The following MICAL3 variants were observed in gnomAD, a reference collection of about 807,000 sequenced individuals.
MICAL3 encodes microtubule associated monooxygenase, calponin and LIM domain containing 3.
A neutral mutation model predicts 207.4 loss-of-function variants in MICAL3; 62 were observed. That is an observed-to-expected ratio of 0.30 (90% CI 0.24 to 0.37). The LOEUF (loss-of-function observed/expected upper bound fraction) is 0.37. Among genes scored for constraint, MICAL3 ranks in the 10% least tolerant of loss-of-function variants. The pLI is 1.00. For synonymous variants in MICAL3, 1,077 were observed against 1,069.3 expected, an observed-to-expected ratio of 1.01 and a Z score of -0.14; for missense variants, 2,368 against 2,635.6, an observed-to-expected ratio of 0.90 and a Z score of 2.22.
rs372029804 is a variant in MICAL3, at chr22:17,827,669, C to T, written c.3168G>A (p.Pro1056=). 1.2e-5 allele frequency: 19 copies of T among 1,576,678 alleles called. No homozygotes were observed. The highest frequency in any genetic ancestry group is 1.7e-4 in the Middle Eastern group (1 of 5,958). Residue 1056 remains proline, a synonymous_variant, in exon 22 of 32, where the codon CCG becomes CCA. Coordinates refer to ENST00000441493, the MANE Select transcript of MICAL3 (RefSeq NM_015241.3). ...CTCCGGAAGCAGAGGACTCAGAGGC[C>T]GGCGCCATCCTCTCTTCCTCCTCTC... ...REREEEERMA[P]ASESSASGAP...
intron 1 of MICAL3, among the ~76,000 whole-genome samples, chr22:17,978,467 G>A (rs1197903554): frequency 6.6e-6 from 1 of 152,032 alleles, no homozygotes; most frequent in Non-Finnish European, 1.5e-5. Flanking sequence ...TTGAATGATT[G>A]TAGTGATGGT....
At chr22:17,932,589 C>T (rs1326445639) in intron 1 of MICAL3, among the ~76,000 whole-genome samples, 2 of 152,108 alleles carry the variant, frequency 1.3e-5, no homozygotes, top group East Asian at 1.9e-4. Flanking sequence ...AAATAACCAG[C>T]GAACATCATA....
chr22:17,894,395 CAAA>C (rs57537906), intron 10 of MICAL3, among the ~76,000 whole-genome samples: 4 of 86,188 alleles, frequency 4.6e-5, no homozygotes, highest in Non-Finnish European at 4.8e-5. Flanking sequence ...GACTCTGTCT[CAAA>C]AAAAAAAAAA....
intron 1 of MICAL3, among the ~76,000 whole-genome samples, chr22:17,924,442 T>A (rs994418198): frequency 6.6e-6 from 1 of 152,208 alleles, no homozygotes; most frequent in African/African-American, 2.4e-5. Context: ...AAATATTTGA[T>A]ATAGATACAG....
intron 1 of MICAL3, among the ~76,000 whole-genome samples, chr22:18,002,044 A>C (rs984854798): frequency 6.6e-6 from 1 of 152,162 alleles, no homozygotes; most frequent in Non-Finnish European, 1.5e-5. Context: ...CTGAAAATAC[A>C]AAAATTAGCC....
intron 1 of MICAL3, among the ~76,000 whole-genome samples, chr22:17,976,202 T>C (rs886902870): frequency 6.6e-6 from 1 of 152,232 alleles, no homozygotes; most frequent in African/African-American, 2.4e-5. Context: ...GGGATCAGGG[T>C]AGAAGACAGT....
rs1164813720 is a variant in MICAL3, at chr22:17,897,454, T to TG, written c.949-474dup. Among the ~76,000 whole-genome samples the TG allele has an allele frequency of 4.7e-5, 7 of 148,532 alleles. No homozygotes were observed. In the East Asian group the frequency reaches 1.4e-3, roughly 29 times the overall value. On this transcript the variant is annotated intron_variant, in intron 7 of 31. Transcript: ENST00000441493. The stretch of plus-strand genomic sequence containing the variant: ...AAAAAAAAAAAAAAAAAGAGGGGTT[T>TG]GGGGGGTGGATTATTCCCGAGAGAA...
chr22:17,970,121 TCTCC>T (rs1935333089), intron 1 of MICAL3, among the ~76,000 whole-genome samples: 2 of 152,126 alleles, frequency 1.3e-5, no homozygotes, highest in Admixed American at 1.3e-4. Flanking sequence ...CCCAGAGAAG[TCTCC>T]CTGAGTGGGG....
intron 16 of MICAL3, among the ~76,000 whole-genome samples, chr22:17,877,567 G>GGGAGGTTAT (rs1928960986): frequency 3.0e-5 from 4 of 131,498 alleles, no homozygotes; most frequent in Non-Finnish European, 3.3e-5. Flanking sequence ...ATGGAGGTTA[G>GGGAGGTTAT]GGAGGTTAGG....
chr22:17,821,462 G>A lies in MICAL3; in HGVS notation c.3496C>T (p.Leu1166Phe). 6.5e-7 allele frequency: 1 copy of A among 1,546,264 alleles called. No individual in the cohort carries two copies. The highest frequency in any genetic ancestry group is 8.7e-7 in the Non-Finnish European group (1 of 1,146,072). ...SPIRSPQESA[L>F]LFIPVHSPST... is the part of the protein sequence containing the mutation. ...GGGCTGTGGACTGGAATGAACAGAA[G>A]AGCTGATTCCTGGGGAGACCGGATG... The change falls in exon 25 of 32, where the codon CTT becomes TTT. Residue 1166 changes from leucine to phenylalanine, a missense_variant. Leu to Phe is a conservative substitution (Grantham distance 22). Around this residue, in one of 4 missense-constraint regions of MICAL3, gnomAD observed 1,770 missense variants for 1,863.2 expected, o/e 0.95. Coordinates refer to ENST00000441493, the MANE Select transcript of MICAL3 (RefSeq NM_015241.3).
Position 17,995,461 on chromosome 22 carries a change from C to T in MICAL3, c.-75+28820G>A, listed in dbSNP as rs1467612623. 5.4e-5 allele frequency among the ~76,000 whole-genome samples: 8 copies of T among 149,066 alleles called. 1 individual carries two copies. Among genetic ancestry groups the T allele is most frequent in the Non-Finnish European group, 1.0e-4 (7 of 67,574 alleles). On this transcript the variant is annotated intron_variant, in intron 1 of 31. Transcript: ENST00000441493. Reference sequence around the variant, plus strand: ...CCTCTCAAAGTGCTGGGATTACAGACGTGAGACATTGCACCCAGCCTTTTC... The same window carrying T: ...CCTCTCAAAGTGCTGGGATTACAGATGTGAGACATTGCACCCAGCCTTTTC...
intron 1 of MICAL3, among the ~76,000 whole-genome samples, chr22:17,955,484 C>T (rs902888375): frequency 2.0e-5 from 3 of 152,276 alleles, no homozygotes; most frequent in East Asian, 3.9e-4. Flanking sequence ...AGGAATGGGC[C>T]GTACTTAGCC....
At chr22:17,888,048 T>C (rs1011282948) in intron 13 of MICAL3, among the ~76,000 whole-genome samples, 4 of 152,228 alleles carry the variant, frequency 2.6e-5, no homozygotes, top group Non-Finnish European at 4.4e-5. Flanking sequence ...GTTTCATTAG[T>C]AACAACAGCA....
In MICAL3 at chr22:17,976,152, G is replaced by C. The variant is rs189993958; in HGVS notation, c.-75+48129C>G. On this transcript the variant is annotated intron_variant, in intron 1 of 31. Transcript: ENST00000441493. ...GTTTTATTTCTTTCTAATCTTATCT[G>C]AACAATATAGGCAGAGATGGACTGC... Among the ~76,000 whole-genome samples, 25 of 152,312 alleles carry C rather than the reference G, an allele frequency of 1.6e-4. No individual in the cohort carries two copies. The East Asian group carries it at 4.4e-3, about 27-fold the overall frequency.
chr22:17,886,145 G>A, intron 15 of MICAL3, 94 bp from the exon 16 acceptor site: 10 of 1,364,684 alleles, frequency 7.3e-6, no homozygotes, highest in Non-Finnish European at 1.0e-5. Flanking sequence ...CCTGGCATGG[G>A]GGCTGGTGGA....
intron 16 of MICAL3, among the ~76,000 whole-genome samples, chr22:17,877,333 T>C (rs372623510): frequency 3.7e-3 from 41 of 11,188 alleles, no homozygotes; most frequent in Non-Finnish European, 5.0e-3. Flanking sequence ...AGGGAGGTTA[T>C]GGAGGTTAGG....
At chr22:17,860,961 C>G (rs923042672) in intron 19 of MICAL3, 5 of 983,050 alleles carry the variant, frequency 5.1e-6, no homozygotes, top group Non-Finnish European at 6.0e-6. Flanking sequence ...AAATAAATAT[C>G]TACCCATATA....
chr22:17,880,927 G>A (rs919746785), intron 16 of MICAL3, among the ~76,000 whole-genome samples: 11 of 152,204 alleles, frequency 7.2e-5, no homozygotes, highest in African/African-American at 2.7e-4. Context: ...GGCCTCGGAT[G>A]CACGACAAAC....
intron 1 of MICAL3, among the ~76,000 whole-genome samples, chr22:17,976,561 GTATATATATATATA>G (rs751076102): frequency 2.5e-5 from 2 of 80,080 alleles, no homozygotes; most frequent in African/African-American, 1.2e-4. Context: ...GTGTGTGTGT[GTATATATATATATA>G]TATATATATA....
Sources: gnomAD v4.1 joint callset for allele counts (sites outside exome capture counted in the v4.1 genomes callset) on GRCh38, gnomAD v4.1.1 for gene constraint, gnomAD v4.1.1 regional missense constraint, MANE v1.5 for transcripts, NCBI Gene and HGNC (gene_info 2026-07-23, HGNC 2026-07-21) for gene names.